DPP10: variants seen among roughly 807,000 people sequenced by gnomAD.
DPP10 encodes dipeptidyl peptidase like 10.
In DPP10, 33 loss-of-function variants were observed where a neutral mutation model predicts 120.9. The observed-to-expected ratio is 0.27, with a 90% CI of 0.21 to 0.37. The LOEUF is 0.37. Ranked by LOEUF, DPP10 falls within the 10% of genes least tolerant of loss-of-function variation. The pLI, the probability that DPP10 is intolerant of heterozygous loss-of-function variation, is 1.00. For missense variants in DPP10, 816 were observed against 942.8 expected, an observed-to-expected ratio of 0.87 and a Z score of 1.76; for synonymous variants, 337 against 326.1, an observed-to-expected ratio of 1.03 and a Z score of -0.36.
chr2:115,600,814 A>T (rs2083277204), intron 5 of DPP10, among the ~76,000 whole-genome samples: 1 of 152,232 alleles, frequency 6.6e-6, no homozygotes, highest in Non-Finnish European at 1.5e-5. Context: ...TTTGATTAAT[A>T]ATCTATCAGC....
intron 1 of DPP10, among the ~76,000 whole-genome samples, chr2:115,227,390 TAA>T (rs1338863273): frequency 6.6e-6 from 1 of 152,210 alleles, no homozygotes; most frequent in Non-Finnish European, 1.5e-5. Context: ...AGTTGAAATT[TAA>T]ACTTTCTTTT....
chr2:115,458,522 C>T (rs746155789), intron 3 of DPP10, among the ~76,000 whole-genome samples: 3 of 151,942 alleles, frequency 2.0e-5, no homozygotes, highest in African/African-American at 7.3e-5. Context: ...TTTTGACTCT[C>T]GAAAAGAAAG....
intron 1 of DPP10, among the ~76,000 whole-genome samples, chr2:114,964,280 T>A (rs1698848286): frequency 6.6e-6 from 1 of 152,170 alleles, no homozygotes; most frequent in Non-Finnish European, 1.5e-5. Context: ...TCAACAAATA[T>A]TTCATGAGCA....
intron 1 of DPP10, among the ~76,000 whole-genome samples, chr2:115,030,548 C>T (rs898900584): frequency 6.6e-6 from 1 of 152,138 alleles, no homozygotes; most frequent in Non-Finnish European, 1.5e-5. Context: ...TAAATGTGTG[C>T]CATGGTGGTT....
At chr2:115,654,173 T>C (rs192585986) in intron 5 of DPP10, among the ~76,000 whole-genome samples, 1 of 151,774 alleles carries the variant, frequency 6.6e-6, no homozygotes, top group African/African-American at 2.4e-5. Context: ...CCCTGCAGTG[T>C]TAGCTTCATC....
At chr2:115,308,934 A>T (rs2061472949) in intron 1 of DPP10, among the ~76,000 whole-genome samples, 1 of 152,042 alleles carries the variant, frequency 6.6e-6, no homozygotes, top group Admixed American at 6.6e-5. Flanking sequence ...TATTTCAATA[A>T]TTATTTTGCA....
chr2:114,902,597 A>T lies in DPP10; in HGVS notation c.61-406642A>T, dbSNP rs530782630. Among the ~76,000 whole-genome samples the T allele has an allele frequency of 2.2e-4, 34 of 152,312 alleles. No homozygotes were observed. In the South Asian group the frequency reaches 6.6e-3, roughly 30 times the overall value. On this transcript the variant is annotated intron_variant, in intron 1 of 25. Transcript: ENST00000410059. ...TTTTAGAACCAGCTCGTTAAGTTCT[A>T]CTGCATCCCCAAATAAAAAGCAAGC...
At position 115,525,358 on chromosome 2, in the gene DPP10, A is replaced by G. The variant is rs2078065584; in HGVS notation, c.367-540A>G. ...GCTCAAAATTAGTCAAGTACAGTGT[A>G]GTAGTTTTTGTTTGACATCAAATGC... is the stretch of plus-strand genomic sequence containing the variant. On this transcript the variant is annotated intron_variant, in intron 4 of 25. Transcript: ENST00000410059. Among the ~76,000 whole-genome samples the G allele has an allele frequency of 3.9e-5, 6 of 152,280 alleles. No homozygotes were observed. In the South Asian group the frequency reaches 1.2e-3, roughly 32 times the overall value.
At chr2:114,856,326 AT>A (rs1220553551) in intron 1 of DPP10, among the ~76,000 whole-genome samples, 3 of 152,164 alleles carry the variant, frequency 2.0e-5, no homozygotes, top group African/African-American at 7.2e-5. Flanking sequence ...ATGGAAAAAA[AT>A]CCTCTTGAAA....
At chr2:114,503,665 G>A (rs1683392403) in intron 1 of DPP10, among the ~76,000 whole-genome samples, 1 of 152,170 alleles carries the variant, frequency 6.6e-6, no homozygotes, top group Admixed American at 6.5e-5. Flanking sequence ...AGGGAAGGGG[G>A]TTGGATGCAG....
chr2:114,612,998 C>T (rs1046447270), intron 1 of DPP10, among the ~76,000 whole-genome samples: 5 of 152,244 alleles, frequency 3.3e-5, no homozygotes, highest in African/African-American at 1.2e-4. Context: ...TTGGCATTCA[C>T]ACCCAAATAT....
chr2:114,679,467 C>A lies in DPP10; in HGVS notation c.60+236629C>A, dbSNP rs77294430. 7.2e-3 allele frequency among the ~76,000 whole-genome samples: 1,097 copies of A among 151,964 alleles called. 11 individuals are homozygous for A. Among genetic ancestry groups the A allele is most frequent in the African/African-American group, 0.025 (1,029 of 41,494 alleles). ...AACTAAATATTAGAGGACTCTTAGG[C>A]TAGAGATGCAATCCAGGAGGTGAGT... On this transcript the variant is annotated intron_variant, in intron 1 of 25. Transcript: ENST00000410059.
chr2:115,768,830 G>A (rs1007205773), intron 13 of DPP10, among the ~76,000 whole-genome samples: 15 of 152,010 alleles, frequency 9.9e-5, no homozygotes, highest in Middle Eastern at 3.4e-3. Context: ...ATTGATGGTT[G>A]AATAAATTAT....
intron 3 of DPP10, among the ~76,000 whole-genome samples, chr2:115,397,564 G>C (rs571710661): frequency 2.9e-4 from 44 of 152,260 alleles, no homozygotes; most frequent in African/African-American, 1.0e-3. Flanking sequence ...TTTGAAAGTG[G>C]TCACCCAAGC....
chr2:115,476,077 G>C (rs1417753541), intron 3 of DPP10, among the ~76,000 whole-genome samples: 1 of 152,106 alleles, frequency 6.6e-6, no homozygotes, highest in Non-Finnish European at 1.5e-5. Context: ...AAATGTAAGA[G>C]AGCCATGAGA....
At chr2:114,468,932 CAAG>C (rs936879979) in intron 1 of DPP10, among the ~76,000 whole-genome samples, 17 of 150,230 alleles carry the variant, frequency 1.1e-4, no homozygotes, top group Non-Finnish European at 1.9e-4. Context: ...CTCTTTAGAA[CAAG>C]AAGAAGAAGG....
At chr2:114,758,410 C>T (rs144764968) in intron 1 of DPP10, among the ~76,000 whole-genome samples, 15 of 152,244 alleles carry the variant, frequency 9.9e-5, no homozygotes, top group African/African-American at 2.4e-4. Flanking sequence ...AGAAGCATTC[C>T]GATCTGAGGG....
intron 3 of DPP10, among the ~76,000 whole-genome samples, chr2:115,440,287 A>G (rs189078622): frequency 3.3e-5 from 5 of 152,268 alleles, no homozygotes; most frequent in African/African-American, 1.2e-4. Flanking sequence ...AGATTATTAT[A>G]CTGGCATTAT....
intron 5 of DPP10, among the ~76,000 whole-genome samples, chr2:115,583,966 T>C (rs1326596584): frequency 6.6e-6 from 1 of 152,184 alleles, no homozygotes; most frequent in Admixed American, 6.5e-5. Flanking sequence ...TTAAAATTGA[T>C]CTTTGCTGTT....
Sources: allele counts gnomAD v4.1 joint callset (sites outside exome capture counted in the v4.1 genomes callset), GRCh38; gene constraint gnomAD v4.1.1; transcripts MANE v1.5; gene names NCBI Gene and HGNC (gene_info 2026-07-23, HGNC 2026-07-21).